Variants in ABI3BP observed in about 807,000 individuals in gnomAD.
The protein encoded by ABI3BP is ABI family member 3 binding protein, also known as target of Nesh-SH3.
Under a neutral mutation model 268.6 loss-of-function variants are expected in ABI3BP, and 216 were observed. The ratio of observed to expected loss-of-function variants is 0.80; its 90% CI spans 0.72 to 0.90. The LOEUF is 0.90. ABI3BP is among the 40% of genes least tolerant of loss of function. The pLI, the probability that ABI3BP is intolerant of heterozygous loss-of-function variation, is 0.00. For missense variants in ABI3BP, 2,090 were observed against 2,182.4 expected (o/e 0.96, Z 0.84); for synonymous variants, 730 against 730.0 (o/e 1.00, Z 0.00).
intron 1 of ABI3BP, among the ~76,000 whole-genome samples, chr3:100,939,725 T>C (rs1045377338): frequency 2.0e-5 from 3 of 152,090 alleles, no homozygotes; most frequent in African/African-American, 7.2e-5. Flanking sequence ...CCACTGTCAT[T>C]GATAACATCT....
chr3:100,830,730 G>T, intron 31 of ABI3BP, 96 bp from the exon 32 acceptor site: 2 of 969,456 alleles, frequency 2.1e-6, no homozygotes, highest in Non-Finnish European at 3.0e-6. Context: ...TTCTAAGGCT[G>T]CAAAATTAAT....
chr3:100,830,264 C>A (rs940248692), intron 32 of ABI3BP, among the ~76,000 whole-genome samples: 1 of 150,390 alleles, frequency 6.6e-6, no homozygotes. Flanking sequence ...CAGGGACAAA[C>A]ACCTTCACCT....
chr3:100,849,361 C>A (rs540937405), intron 17 of ABI3BP, among the ~76,000 whole-genome samples: 1 of 151,448 alleles, frequency 6.6e-6, no homozygotes, highest in Admixed American at 6.6e-5. Flanking sequence ...GTAGCTGGGA[C>A]TACAGGCATG....
Position 100,875,581 on chromosome 3 carries a change from T to C in ABI3BP, c.746-2A>G. On this transcript the variant is annotated splice_acceptor_variant, in intron 7 of 67. Transcript: ENST00000471714. LOFTEE classifies it high-confidence loss of function. ...CCTTGTGAGTAACATTCTGAATCAC[T>C]GTTGAAATACAAAAAGACAGTGTGA... is the stretch of plus-strand genomic sequence containing the variant. The C allele has an allele frequency of 6.2e-7, 1 of 1,611,080 alleles. No homozygotes were observed. The highest frequency in any genetic ancestry group is 1.1e-5 in the South Asian group (1 of 91,008).
intron 57 of ABI3BP, among the ~76,000 whole-genome samples, chr3:100,786,477 T>C (rs1413748274): frequency 6.6e-6 from 1 of 152,196 alleles, no homozygotes; most frequent in Non-Finnish European, 1.5e-5. Context: ...TGAGAGATAA[T>C]TGCATGCTCC....
chr3:100,829,474 C>A, intron 33 of ABI3BP, 107 bp downstream of exon 33: 1 of 1,018,234 alleles, frequency 9.8e-7, no homozygotes, highest in South Asian at 1.5e-5. Flanking sequence ...TCCTCATTGC[C>A]TAGTCTGATG....
At chr3:100,860,066 C>T (rs986302272) in intron 14 of ABI3BP, among the ~76,000 whole-genome samples, 1 of 152,084 alleles carries the variant, frequency 6.6e-6, no homozygotes, top group Non-Finnish European at 1.5e-5. Context: ...AGAGCAAACT[C>T]CATCTCAAAA....
chr3:100,810,415 G>T lies in ABI3BP; in HGVS notation c.3604C>A (p.Pro1202Thr), dbSNP rs1431454723. Residue 1202 changes from proline (P) to threonine (T), a missense_variant, in exon 49 of 68, where the codon CCT becomes ACT. Transcript: ENST00000471714. The part of the protein sequence containing the change: ...LPSPDEPQTE[P>T]APKQTPRAPP... ...ACATACAAAATAATGTATTTACCAG[G>T]TTCAGTCTGAGGCTCATCTGGGCTG... 1 of 1,532,904 alleles carries T rather than the reference G, an allele frequency of 6.5e-7. No homozygotes were observed. The highest frequency in any genetic ancestry group is 2.0e-5 in the Admixed American group (1 of 50,926). The allele number at this position is 1,532,904 out of a possible 1,614,324, so 95.0% of individuals were successfully genotyped here.
At chr3:100,844,230 C>T (rs13098936) in intron 20 of ABI3BP, 85,288 of 985,262 alleles carry the variant, frequency 0.087, 3,965 homozygotes, top group Non-Finnish European at 0.094. Flanking sequence ...ATTCTATCCA[C>T]GTTGGAAGAC....
At position 100,850,788 on chromosome 3, in the gene ABI3BP, A is replaced by C. The variant is rs188412310; in HGVS notation, c.1352-54T>G. 2.1e-5 allele frequency: 29 copies of C among 1,364,468 alleles called. No individual in the cohort carries two copies. In the African/African-American group the frequency reaches 3.2e-4, roughly 15 times the overall value. The allele number at this position is 1,364,468 out of a possible 1,614,324, so 84.5% of individuals were successfully genotyped here. On this transcript the variant is annotated intron_variant, in intron 15 of 67. Transcript: ENST00000471714. ...AAGCAGTAGAAGGCCCCAGGAATAA[A>C]ATACAAATTCATGAGTAATAAATTA... is the stretch of plus-strand genomic sequence containing the variant.
chr3:100,750,686 G>T, intron 67 of ABI3BP, 76 bp from the exon 68 acceptor site: 1 of 989,142 alleles, frequency 1.0e-6, no homozygotes, highest in Non-Finnish European at 1.5e-6. Context: ...ATTGAAGGAT[G>T]TCGTTGACTA....
rs144604645 is a variant in ABI3BP, at chr3:100,869,330, G to GTTTTTTTTTTTTTTTTTTTTTTTTTTT, written c.911-2375_911-2374insAAAAAAAAAAAAAAAAAAAAAAAAAAA. On this transcript the variant is annotated intron_variant, in intron 9 of 67. Transcript: ENST00000471714. ...ATATTGTTTTTTCTTCTTCTTTTTG[G>GTTTTTTTTTTTTTTTTTTTTTTTTTTT]TTTTTTTTTTTTTTTTTTTTTTTTT... Among the ~76,000 whole-genome samples, 42 of 49,760 alleles carry GTTTTTTTTTTTTTTTTTTTTTTTTTTT rather than the reference G, an allele frequency of 8.4e-4. 8 individuals are homozygous for GTTTTTTTTTTTTTTTTTTTTTTTTTTT. Among genetic ancestry groups the GTTTTTTTTTTTTTTTTTTTTTTTTTTT allele is most frequent in the East Asian group, 1.5e-3 (2 of 1,294 alleles). 32.6% of individuals were successfully genotyped at this position (49,760 alleles called of 152,430 possible). A position where few individuals can be genotyped will look rare whatever the true frequency, so the allele number is the denominator to read the frequency against.
chr3:100,774,042 C>T (rs1407678744), intron 61 of ABI3BP, among the ~76,000 whole-genome samples: 3 of 151,914 alleles, frequency 2.0e-5, no homozygotes, highest in Non-Finnish European at 1.5e-5. Flanking sequence ...TGGGTGTATA[C>T]ATATATTAAA....
chr3:100,958,167 A>G (rs1177878992), intron 1 of ABI3BP, among the ~76,000 whole-genome samples: 8 of 152,208 alleles, frequency 5.3e-5, no homozygotes, highest in Admixed American at 3.3e-4. Context: ...AATGAGTTTC[A>G]TTGTAAGTCT....
At chr3:100,820,971 A>AT in intron 39 of ABI3BP, 83 bp downstream of exon 39, 1 of 1,157,690 alleles carries the variant, frequency 8.6e-7, no homozygotes, top group Non-Finnish European at 1.2e-6. Flanking sequence ...CTTGAAAAGC[A>AT]TAAGAATCTG....
At chr3:100,976,521 G>T (rs540620466) in intron 1 of ABI3BP, among the ~76,000 whole-genome samples, 1 of 152,068 alleles carries the variant, frequency 6.6e-6, no homozygotes, top group African/African-American at 2.4e-5. Flanking sequence ...CTCTTGCTAG[G>T]ATATAAATTC....
intron 1 of ABI3BP, among the ~76,000 whole-genome samples, chr3:100,978,862 GTTTA>G (rs1232759625): frequency 2.0e-5 from 3 of 152,188 alleles, no homozygotes; most frequent in Non-Finnish European, 4.4e-5. Context: ...AGTGATAGTT[GTTTA>G]ACATGCAGAT....
chr3:100,885,675 C>A, intron 5 of ABI3BP, 87 bp from the exon 6 acceptor site: 1 of 737,442 alleles, frequency 1.4e-6, no homozygotes, highest in Non-Finnish European at 2.2e-6. Context: ...ACAACTACAA[C>A]TCATCCTCTA....
chr3:100,877,975 A>G (rs2099179985), intron 6 of ABI3BP, among the ~76,000 whole-genome samples: 1 of 152,184 alleles, frequency 6.6e-6, no homozygotes, highest in Admixed American at 6.5e-5. Flanking sequence ...TTATCATATT[A>G]AGGTTCTTAT....
Sources: gnomAD v4.1 joint callset for allele counts (sites outside exome capture counted in the v4.1 genomes callset) on GRCh38, gnomAD v4.1.1 for gene constraint, MANE v1.5 for transcripts, NCBI Gene and HGNC (gene_info 2026-07-23, HGNC 2026-07-21) for gene names.